Variants in COL11A1 observed in about 807,000 individuals in gnomAD.
The protein encoded by COL11A1 is collagen type XI alpha 1 chain, also known as collagen alpha-1(XI) chain.
COL11A1 carries 74 observed loss-of-function variants against 265.2 expected under a neutral mutation model. The observed-to-expected ratio is 0.28, with a 90% CI of 0.23 to 0.34. The LOEUF (loss-of-function observed/expected upper bound fraction) is 0.34. Among genes scored for constraint, COL11A1 ranks in the 10% least tolerant of loss-of-function variants. The pLI, the probability that COL11A1 is intolerant of heterozygous loss-of-function variation, is 1.00. For synonymous variants in COL11A1, 816 were observed against 727.6 expected, an observed-to-expected ratio of 1.12 and a Z score of -1.96; for missense variants, 2,165 against 2,263.6, an observed-to-expected ratio of 0.96 and a Z score of 0.88.
At position 102,976,300 on chromosome 1, in the gene COL11A1, T is replaced by TTTTTTTTC. The variant is rs1662477412; in HGVS notation, c.2755-1418_2755-1417insGAAAAAAA. ...ACAGAAAACGTTGGCTTTTTTTTTTTTTTTTTTTTTTTTTTTGAGACAGAG... is the reference window on the plus strand; with the variant it reads ...ACAGAAAACGTTGGCTTTTTTTTTTTTTTTTTTCTTTTTTTTTTTTTTTTGAGACAGAG... On this transcript the variant is annotated intron_variant, in intron 35 of 66. Coordinates refer to ENST00000370096, the MANE Select transcript of COL11A1 (RefSeq NM_001854.4). 1.6e-5 allele frequency among the ~76,000 whole-genome samples: 2 copies of TTTTTTTTC among 128,704 alleles called. 1 individual carries two copies. The highest frequency in any genetic ancestry group is 3.4e-5 in the Non-Finnish European group (2 of 59,400). The allele number at this position is 128,704 out of a possible 152,430, so 84.4% of individuals were successfully genotyped here. A position where few individuals can be genotyped will look rare whatever the true frequency, so the allele number is the denominator to read the frequency against.
chr1:103,052,666 T>A (rs1233279210), intron 4 of COL11A1, among the ~76,000 whole-genome samples: 3 of 152,214 alleles, frequency 2.0e-5, no homozygotes, highest in African/African-American at 7.2e-5. Context: ...ACCTAGCTTT[T>A]GAATAACATA....
chr1:102,900,744 C>A (rs1570670053), intron 54 of COL11A1, among the ~76,000 whole-genome samples: 1 of 152,038 alleles, frequency 6.6e-6, no homozygotes, highest in African/African-American at 2.4e-5. Context: ...AATACAGCAA[C>A]TAAGTTGTGA....
intron 44 of COL11A1, among the ~76,000 whole-genome samples, chr1:102,937,296 G>A (rs936542728): frequency 1.3e-5 from 2 of 152,078 alleles, no homozygotes; most frequent in African/African-American, 4.8e-5. Flanking sequence ...AGTCATTTTA[G>A]CATTGCTTTT....
intron 46 of COL11A1, among the ~76,000 whole-genome samples, chr1:102,929,988 T>G (rs1283524907): frequency 6.6e-6 from 1 of 152,182 alleles, no homozygotes; most frequent in Non-Finnish European, 1.5e-5. Context: ...AAGGAGATTT[T>G]GGGCTGAGAC....
intron 4 of COL11A1, among the ~76,000 whole-genome samples, chr1:103,051,867 A>T (rs572960515): frequency 1.3e-5 from 2 of 152,344 alleles, no homozygotes; most frequent in East Asian, 3.9e-4. Flanking sequence ...TTGGCTCAGG[A>T]TAGTTCCACA....
intron 2 of COL11A1, 40 bp downstream of exon 2, chr1:103,082,765 T>C (rs1672513012): frequency 2.0e-6 from 3 of 1,533,902 alleles, no homozygotes; most frequent in Admixed American, 1.7e-5. Flanking sequence ...TGTAATAACT[T>C]TTAGTAATAA....
At chr1:102,894,369 C>A (rs1396269543) in intron 57 of COL11A1, among the ~76,000 whole-genome samples, 3 of 151,952 alleles carry the variant, frequency 2.0e-5, no homozygotes, top group Non-Finnish European at 4.4e-5. Flanking sequence ...CCTATCTGTA[C>A]TAAAAATGAC....
rs554840867 is a variant in COL11A1 at position 103,066,629 on chromosome 1, C to G, written c.651+7989G>C. Among the ~76,000 whole-genome samples the G allele has an allele frequency of 2.1e-5, 3 of 146,280 alleles. No individual in the cohort carries two copies. The South Asian group carries it at 6.5e-4, about 32-fold the overall frequency. ...GAAAACAGAGAGTACAAAGAAAATA[C>G]AAATAATAAGATGCAGACTTAAATC... On this transcript the variant is annotated intron_variant, in intron 4 of 66. Coordinates refer to ENST00000370096, the MANE Select transcript of COL11A1 (RefSeq NM_001854.4).
intron 2 of COL11A1, 92 bp from the exon 3 acceptor site, chr1:103,078,963 G>A (rs1672194624): frequency 3.5e-6 from 3 of 861,704 alleles, no homozygotes. Flanking sequence ...ATTTCTACAT[G>A]GCCTTTATAA....
At chr1:102,981,726 C>G (rs1663059510) in intron 31 of COL11A1, among the ~76,000 whole-genome samples, 1 of 151,910 alleles carries the variant, frequency 6.6e-6, no homozygotes, top group Non-Finnish European at 1.5e-5. Flanking sequence ...GTGAAATTGG[C>G]TCAGTCAATA....
intron 54 of COL11A1, among the ~76,000 whole-genome samples, chr1:102,907,158 A>C (rs1654080244): frequency 6.6e-6 from 1 of 152,150 alleles, no homozygotes. Flanking sequence ...AGCAATGCAT[A>C]GTCACCACCG....
chr1:103,022,846 AT>A lies in COL11A1; in HGVS notation c.1140del (p.Glu380AspfsTer37). 1 of 1,613,976 alleles carries A rather than the reference AT, an allele frequency of 6.2e-7. No individual in the cohort carries two copies. The highest frequency in any genetic ancestry group is 2.2e-5 in the East Asian group (1 of 44,838). ...SDLLVDGDLG[E>X]YDFYEYKEYE... Reference sequence around the variant, plus strand: ...TATTCTTTATATTCATAAAAATCATATTCGCCTAAATCTCCATCTACCAGAA... The same window carrying A: ...TATTCTTTATATTCATAAAAATCATATCGCCTAAATCTCCATCTACCAGAA... On this transcript the variant is annotated frameshift_variant, in exon 8 of 67. Coordinates refer to ENST00000370096, the MANE Select transcript of COL11A1 (RefSeq NM_001854.4). LOFTEE classifies it high-confidence loss of function.
At chr1:103,096,441 T>A (rs1055719674) in intron 1 of COL11A1, among the ~76,000 whole-genome samples, 1 of 151,898 alleles carries the variant, frequency 6.6e-6, no homozygotes, top group South Asian at 2.1e-4. Context: ...TTAAGTGAGA[T>A]GGAGAAGGCT....
chr1:103,018,936 A>G (rs1381529842), intron 9 of COL11A1, 77 bp from the exon 10 acceptor site: 1 of 1,096,636 alleles, frequency 9.1e-7, no homozygotes, highest in Non-Finnish European at 1.4e-6. Flanking sequence ...ATAAGAGAAC[A>G]CTATATCATT....
intron 4 of COL11A1, among the ~76,000 whole-genome samples, chr1:103,054,563 A>T (rs1403354181): frequency 1.3e-5 from 2 of 152,114 alleles, no homozygotes; most frequent in Non-Finnish European, 2.9e-5. Context: ...TAAATGAAAA[A>T]AGGGTGTTTT....
rs1571050511 is a variant in COL11A1 at position 103,018,307 on chromosome 1, G to C, written c.1351-425C>G. 2.0e-5 allele frequency among the ~76,000 whole-genome samples: 3 copies of C among 152,164 alleles called. No individual in the cohort carries two copies. The South Asian group carries it at 6.2e-4, about 32-fold the overall frequency. The stretch of plus-strand genomic sequence containing the variant: ...TGCATCAGTATCATATATTATTTTA[G>C]ACGACAAGAGTTTAATTAATTCCAC... On this transcript the variant is annotated intron_variant, in intron 10 of 66. Transcript: ENST00000370096.
chr1:102,926,998 TA>T (rs1001249236), intron 46 of COL11A1, among the ~76,000 whole-genome samples: 2 of 152,120 alleles, frequency 1.3e-5, no homozygotes, highest in Non-Finnish European at 2.9e-5. Context: ...ATGAGATAAA[TA>T]AAAAATCTTG....
In COL11A1 at chr1:102,890,516, C is replaced by T; in HGVS notation, c.4303-12G>A. The T allele has an allele frequency of 7.1e-7, 1 of 1,417,150 alleles. No individual in the cohort carries two copies. 87.8% of individuals were successfully genotyped at this position (1,417,150 alleles called of 1,614,324 possible). ...AAGCCAGGAGGTCCCTAAATAATAA[C>T]AAAAAAAAAACCCCAAAACAAAAAC... On this transcript the variant is annotated splice_polypyrimidine_tract_variant and intron_variant, in intron 57 of 66. Transcript: ENST00000370096.
At chr1:102,910,912 A>G (rs1654598125) in intron 54 of COL11A1, among the ~76,000 whole-genome samples, 1 of 152,180 alleles carries the variant, frequency 6.6e-6, no homozygotes, top group Non-Finnish European at 1.5e-5. Flanking sequence ...TGTTCCAAGA[A>G]GTATTTCAAC....
Sources: gnomAD v4.1 joint callset for allele counts (sites outside exome capture counted in the v4.1 genomes callset) on GRCh38, gnomAD v4.1.1 for gene constraint, MANE v1.5 for transcripts, NCBI Gene and HGNC (gene_info 2026-07-23, HGNC 2026-07-21) for gene names.